Variants in HNRNPF observed in about 807,000 individuals in gnomAD.
HNRNPF encodes heterogeneous nuclear ribonucleoprotein F.
In HNRNPF, 2 loss-of-function variants were observed where a neutral mutation model predicts 26.0. The ratio of observed to expected loss-of-function variants is 0.08; its 90% CI spans 0.03 to 0.24. HNRNPF has a LOEUF of 0.24. Ranked by LOEUF, HNRNPF falls within the 10% of genes least tolerant of loss-of-function variation. The probability of loss-of-function intolerance (pLI) is 1.00; values close to 1 mark genes in which losing one functional copy is unlikely to be tolerated. For missense variants in HNRNPF, 299 were observed against 539.2 expected (o/e 0.55, Z 4.41); for synonymous variants, 234 against 211.5 (o/e 1.11, Z -0.92).
At chr10:43,403,644 G>C (rs1012497912) in intron 1 of HNRNPF, among the ~76,000 whole-genome samples, 2 of 152,184 alleles carry the variant, frequency 1.3e-5, no homozygotes, top group Non-Finnish European at 2.9e-5. Flanking sequence ...TATCAATGGA[G>C]ACAAAGTATA....
chr10:43,398,683 T>A (rs1838653118), intron 1 of HNRNPF, among the ~76,000 whole-genome samples: 1 of 151,956 alleles, frequency 6.6e-6, no homozygotes, highest in Admixed American at 6.6e-5. Flanking sequence ...TGAGACAGGG[T>A]CTGGCTCAGC....
At chr10:43,394,771 A>G (rs1244531142) in intron 2 of HNRNPF, 83 bp from the exon 3 acceptor site, 3 of 152,144 alleles carry the variant, frequency 2.0e-5, no homozygotes, top group Non-Finnish European at 2.9e-5. Flanking sequence ...AGGTAAGGAC[A>G]GAAACAGCTG....
At chr10:43,400,891 GGC>G (rs1187325008) in intron 1 of HNRNPF, among the ~76,000 whole-genome samples, 126 of 151,946 alleles carry the variant, frequency 8.3e-4, no homozygotes, top group Admixed American at 1.7e-3. Flanking sequence ...AGGTCAGGAG[GGC>G]TAATACGGTG....
chr10:43,388,714 G>C (rs1422500410), intron 3 of HNRNPF, among the ~76,000 whole-genome samples: 1 of 152,202 alleles, frequency 6.6e-6, no homozygotes, highest in Admixed American at 6.5e-5. Context: ...GGGAAGAAAG[G>C]GCAATCGCAA....
intron 1 of HNRNPF, among the ~76,000 whole-genome samples, chr10:43,399,098 G>A (rs1221012754): frequency 6.6e-6 from 1 of 152,158 alleles, no homozygotes; most frequent in Non-Finnish European, 1.5e-5. Flanking sequence ...AGTAGTAGGT[G>A]GGGAGATGGA....
chr10:43,403,124 G>C (rs1045929902), intron 1 of HNRNPF, among the ~76,000 whole-genome samples: 3 of 152,118 alleles, frequency 2.0e-5, no homozygotes, highest in Admixed American at 1.3e-4. Flanking sequence ...CACCTCCTGA[G>C]TTCAAGCAAT....
At chr10:43,406,015 T>C (rs1838907532) in intron 1 of HNRNPF, among the ~76,000 whole-genome samples, 2 of 152,128 alleles carry the variant, frequency 1.3e-5, no homozygotes, top group South Asian at 4.1e-4. Context: ...ACATGACTTC[T>C]CCCAACCTCC....
rs139426638 is a variant in HNRNPF at position 43,393,289 on chromosome 10, T to C, written c.-53+1341A>G. On this transcript the variant is annotated intron_variant, in intron 3 of 3. Transcript: ENST00000682386. ...AACAGCCAATTCCAGATTACCGATATATCTTTTAAATAAGTCCAAGCATAG... is the reference window on the plus strand; with the variant it reads ...AACAGCCAATTCCAGATTACCGATACATCTTTTAAATAAGTCCAAGCATAG... 4.3e-4 allele frequency among the ~76,000 whole-genome samples: 65 copies of C among 152,280 alleles called. No homozygotes were observed. The East Asian group carries it at 0.01, about 24-fold the overall frequency.
chr10:43,399,351 T>C (rs1439154667), intron 1 of HNRNPF, among the ~76,000 whole-genome samples: 1 of 152,182 alleles, frequency 6.6e-6, no homozygotes, highest in Non-Finnish European at 1.5e-5. Flanking sequence ...CCCAAAGTGC[T>C]AGGATTATAG....
chr10:43,403,206 T>A (rs746473032), intron 1 of HNRNPF, among the ~76,000 whole-genome samples: 6 of 152,056 alleles, frequency 3.9e-5, no homozygotes, highest in African/African-American at 1.2e-4. Context: ...TTAGTAGAGA[T>A]GGGGTTTCGC....
Position 43,386,468 on chromosome 10 carries a change from G to A in HNRNPF, c.*169C>T, listed in dbSNP as rs1042251940. 3.2e-6 allele frequency: 2 copies of A among 620,094 alleles called. No individual in the cohort carries two copies. The highest frequency in any genetic ancestry group is 1.8e-5 in the African/African-American group (1 of 54,544). The allele number at this position is 620,094 out of a possible 1,614,324, so 38.4% of individuals were successfully genotyped here. The stretch of plus-strand genomic sequence containing the variant: ...TTAGTTTACTCATTATCACATGCTA[G>A]AAGAAAATTTTGCATGAGAAAACAC... On this transcript the variant is annotated 3_prime_UTR_variant, in exon 4 of 4. Coordinates refer to ENST00000682386, the MANE Select transcript of HNRNPF (RefSeq NM_001098204.2).
intron 2 of HNRNPF, among the ~76,000 whole-genome samples, chr10:43,395,168 G>A (rs1838429868): frequency 6.6e-6 from 1 of 152,104 alleles, no homozygotes; most frequent in African/African-American, 2.4e-5. Context: ...GGGTGGGGGA[G>A]AAGTGACAAC....
chr10:43,399,964 A>G lies in HNRNPF; in HGVS notation c.-246-3374T>C, dbSNP rs549924150. ...CTGAGGAAGTGACATTTAAACAGAC[A>G]GGAGCATGGGTGAGTGGGAACACTG... On this transcript the variant is annotated intron_variant, in intron 1 of 3. Coordinates refer to ENST00000682386, the MANE Select transcript of HNRNPF (RefSeq NM_001098204.2). Among the ~76,000 whole-genome samples, 15 of 152,358 alleles carry G rather than the reference A, an allele frequency of 9.8e-5. No individual in the cohort carries two copies. In the East Asian group the frequency reaches 2.7e-3, roughly 27 times the overall value.
rs532238802 is a variant in HNRNPF, at chr10:43,385,919, A to G, written c.*718T>C. On this transcript the variant is annotated 3_prime_UTR_variant, in exon 4 of 4. Transcript: ENST00000682386. ...GAATATAAGGGAGATCATAGATTTG[A>G]TGTATGAAATTTTTAAATTCACACT... The G allele has an allele frequency of 6.5e-6, 1 of 152,788 alleles. No individual in the cohort carries two copies. The highest frequency in any genetic ancestry group is 6.5e-5 in the Admixed American group (1 of 15,304). 9.5% of individuals were successfully genotyped at this position (152,788 alleles called of 1,614,324 possible).
At chr10:43,399,416 T>C (rs1332699033) in intron 1 of HNRNPF, among the ~76,000 whole-genome samples, 2 of 152,194 alleles carry the variant, frequency 1.3e-5, no homozygotes, top group Admixed American at 6.5e-5. Flanking sequence ...TCAGTCACCA[T>C]AGGGTTCCTG....
At chr10:43,391,926 C>T (rs1838265569) in intron 3 of HNRNPF, among the ~76,000 whole-genome samples, 2 of 152,172 alleles carry the variant, frequency 1.3e-5, no homozygotes, top group Non-Finnish European at 2.9e-5. Flanking sequence ...CCTCTACTGT[C>T]ACTTCCACTC....
chr10:43,395,065 C>A (rs1838421090), intron 2 of HNRNPF, among the ~76,000 whole-genome samples: 1 of 152,098 alleles, frequency 6.6e-6, no homozygotes, highest in Admixed American at 6.6e-5. Context: ...AGGTGATCCG[C>A]CCGCCTCTGC....
intron 1 of HNRNPF, among the ~76,000 whole-genome samples, chr10:43,399,852 T>A (rs769593599): frequency 3.3e-5 from 5 of 151,232 alleles, no homozygotes; most frequent in Admixed American, 6.6e-5. Context: ...AACAGTGGAG[T>A]AGGAAATCAA....
In HNRNPF at chr10:43,385,729, G is replaced by A. The variant is rs1233548045; in HGVS notation, c.*908C>T. ...CAACAGATGTGACTCCAGCATCAAG[G>A]GCCTAGCAGGAAAATTCTGAATGGT... is the stretch of plus-strand genomic sequence containing the variant. On this transcript the variant is annotated 3_prime_UTR_variant, in exon 4 of 4. Transcript: ENST00000682386. 1 of 152,190 alleles carries A rather than the reference G, an allele frequency of 6.6e-6. No homozygotes were observed. The highest frequency in any genetic ancestry group is 2.4e-5 in the African/African-American group (1 of 41,442). 9.4% of individuals were successfully genotyped at this position (152,190 alleles called of 1,614,324 possible).
Sources: allele counts gnomAD v4.1 joint callset (sites outside exome capture counted in the v4.1 genomes callset), GRCh38; gene constraint gnomAD v4.1.1; transcripts MANE v1.5; gene names NCBI Gene and HGNC (gene_info 2026-07-23, HGNC 2026-07-21).